ADAMTS17: variants seen among roughly 807,000 people sequenced by gnomAD.
ADAMTS17 encodes the protein A disintegrin and metalloproteinase with thrombospondin motifs 17.
ADAMTS17 carries 113 observed loss-of-function variants against 141.5 expected under a neutral mutation model. The ratio of observed to expected loss-of-function variants is 0.80; its 90% CI spans 0.69 to 0.93. The LOEUF (loss-of-function observed/expected upper bound fraction) is 0.93, where lower values mean the gene tolerates loss of function less well. Among genes scored for constraint, ADAMTS17 ranks in the 40% least tolerant of loss-of-function variants. The pLI, the probability that ADAMTS17 is intolerant of heterozygous loss-of-function variation, is 0.00. For missense variants in ADAMTS17, 1,659 were observed against 1,517.9 expected (o/e 1.09, Z -1.54); for synonymous variants, 768 against 630.6 (o/e 1.22, Z -3.27).
At chr15:100,193,977 G>C (rs1398002056) in intron 8 of ADAMTS17, among the ~76,000 whole-genome samples, 2 of 152,196 alleles carry the variant, frequency 1.3e-5, no homozygotes, top group African/African-American at 2.4e-5. Flanking sequence ...CCAGGGCCAG[G>C]CATTTCTTGA....
chr15:100,019,717 G>C (rs545192207), intron 18 of ADAMTS17, among the ~76,000 whole-genome samples: 1 of 152,152 alleles, frequency 6.6e-6, no homozygotes, highest in Non-Finnish European at 1.5e-5. Context: ...ACCTTAAGAC[G>C]CCTGTGTGGG....
At chr15:100,241,639 G>T (rs568880195) in intron 7 of ADAMTS17, among the ~76,000 whole-genome samples, 1 of 152,208 alleles carries the variant, frequency 6.6e-6, no homozygotes, top group Non-Finnish European at 1.5e-5. Flanking sequence ...GCCAGGCCTA[G>T]AAATAGCTCG....
chr15:100,193,212 C>G (rs1026415341), intron 8 of ADAMTS17, among the ~76,000 whole-genome samples: 4 of 152,258 alleles, frequency 2.6e-5, no homozygotes, highest in Admixed American at 6.5e-5. Context: ...ATTCCAGTGG[C>G]TCCACCACAG....
intron 8 of ADAMTS17, among the ~76,000 whole-genome samples, chr15:100,158,852 A>G (rs1486089560): frequency 6.6e-6 from 1 of 152,232 alleles, no homozygotes; most frequent in Non-Finnish European, 1.5e-5. Flanking sequence ...ACAAATGGCC[A>G]GCAGGCACGT....
intron 6 of ADAMTS17, among the ~76,000 whole-genome samples, chr15:100,255,694 T>C (rs1445153887): frequency 6.6e-6 from 1 of 150,872 alleles, no homozygotes; most frequent in East Asian, 1.9e-4. Flanking sequence ...ACAGGACATA[T>C]TTAAAGCTTT....
At position 100,258,826 on chromosome 15, in the gene ADAMTS17, TGAAAA is replaced by T. The variant is rs538976334; in HGVS notation, c.1031+2648_1031+2652del. Among the ~76,000 whole-genome samples, 172 of 152,212 alleles carry T rather than the reference TGAAAA, an allele frequency of 1.1e-3. 1 individual carries two copies. The highest frequency in any genetic ancestry group is 2.0e-3 in the Non-Finnish European group (134 of 68,000). ...TGTGGTAAGTTAGGAGGGTGAAAAA[TGAAAA>T]GAAAGTCTAACTCATAGCATCTTTG... is the stretch of plus-strand genomic sequence containing the variant. On this transcript the variant is annotated intron_variant, in intron 6 of 21. Transcript: ENST00000268070.
At chr15:100,160,989 CATTAT>C (rs1282653748) in intron 8 of ADAMTS17, among the ~76,000 whole-genome samples, 1 of 152,182 alleles carries the variant, frequency 6.6e-6, no homozygotes, top group East Asian at 1.9e-4. Context: ...TTTCTGGCAA[CATTAT>C]ATTTAACGAA....
At chr15:100,085,388 A>G (rs201805910) in intron 15 of ADAMTS17, among the ~76,000 whole-genome samples, 19,930 of 110,224 alleles carry the variant, frequency 0.18, 3,155 homozygotes, top group East Asian at 0.43. Context: ...GAAAGTGACG[A>G]GGAGAACGCA....
chr15:100,274,742 G>C (rs991283351), intron 4 of ADAMTS17, among the ~76,000 whole-genome samples: 1 of 152,028 alleles, frequency 6.6e-6, no homozygotes, highest in Non-Finnish European at 1.5e-5. Flanking sequence ...AATAGCTTTG[G>C]TTCCTCATTT....
At chr15:99,989,533 T>A (rs1046767576) in intron 20 of ADAMTS17, among the ~76,000 whole-genome samples, 11 of 152,368 alleles carry the variant, frequency 7.2e-5, no homozygotes, top group Non-Finnish European at 1.2e-4. Context: ...CTACACCTTC[T>A]GGACTCTCCG....
intron 15 of ADAMTS17, 34 bp from the exon 16 acceptor site, chr15:100,054,088 G>A (rs749793867): frequency 3.1e-6 from 5 of 1,613,908 alleles, no homozygotes; most frequent in Non-Finnish European, 2.5e-6. Context: ...AGAATCAAGG[G>A]GCTGGGGGTA....
intron 4 of ADAMTS17, among the ~76,000 whole-genome samples, chr15:100,270,980 G>A (rs114847320): frequency 0.02 from 3,019 of 151,732 alleles, 93 homozygotes; most frequent in African/African-American, 0.069. Flanking sequence ...ACTACCCTAC[G>A]TAAGTGGAAT....
At chr15:100,256,975 C>A (rs1235556617) in intron 6 of ADAMTS17, 1 of 152,666 alleles carries the variant, frequency 6.6e-6, no homozygotes, top group African/African-American at 2.4e-5. Flanking sequence ...CTCAGCAGCT[C>A]CTGCTAGACA....
chr15:100,085,501 A>G (rs535194387), intron 15 of ADAMTS17, among the ~76,000 whole-genome samples: 7 of 151,960 alleles, frequency 4.6e-5, no homozygotes, highest in African/African-American at 1.5e-4. Context: ...AACACCACAA[A>G]GATACTCCTC....
intron 8 of ADAMTS17, among the ~76,000 whole-genome samples, chr15:100,180,472 T>C (rs894891201): frequency 2.6e-5 from 4 of 152,210 alleles, no homozygotes; most frequent in African/African-American, 9.6e-5. Context: ...AGTTTCGTTC[T>C]TTTTGCTCAG....
rs568391598 is a variant in ADAMTS17 at position 100,195,550 on chromosome 15, A to G, written c.1181+3768T>C. Among the ~76,000 whole-genome samples, 3 of 149,428 alleles carry G rather than the reference A, an allele frequency of 2.0e-5. No individual in the cohort carries two copies. In the South Asian group the frequency reaches 6.3e-4, roughly 31 times the overall value. ...TTCACATTTTCACATTTTCACCGGCATCACTTTCATCCTAATAGTCTCAGA... is the reference window on the plus strand; with the variant it reads ...TTCACATTTTCACATTTTCACCGGCGTCACTTTCATCCTAATAGTCTCAGA... On this transcript the variant is annotated intron_variant, in intron 8 of 21. Coordinates refer to ENST00000268070, the MANE Select transcript of ADAMTS17 (RefSeq NM_139057.4).
intron 10 of ADAMTS17, among the ~76,000 whole-genome samples, chr15:100,140,906 A>C (rs1396522321): frequency 6.6e-6 from 1 of 152,188 alleles, no homozygotes; most frequent in Non-Finnish European, 1.5e-5. Flanking sequence ...ACTGCTGGGC[A>C]GCACGTCCCT....
intron 7 of ADAMTS17, among the ~76,000 whole-genome samples, chr15:100,223,405 GTAAC>G (rs2042195501): frequency 6.6e-6 from 1 of 152,142 alleles, no homozygotes; most frequent in African/African-American, 2.4e-5. Context: ...TGCAGCCTGA[GTAAC>G]TAGTTTGCTA....
At chr15:100,244,456 ATTATCAC>A in intron 7 of ADAMTS17, among the ~76,000 whole-genome samples, 1 of 151,470 alleles carries the variant, frequency 6.6e-6, no homozygotes, top group Admixed American at 6.6e-5. Flanking sequence ...AGCTCCAATA[ATTATCAC>A]GTGTCATGGG....
Sources: allele counts gnomAD v4.1 joint callset (sites outside exome capture counted in the v4.1 genomes callset), GRCh38; gene constraint gnomAD v4.1.1; transcripts MANE v1.5; gene names NCBI Gene and HGNC (gene_info 2026-07-23, HGNC 2026-07-21).